The following DNAH10 variants were observed in gnomAD, a reference collection of about 807,000 sequenced individuals.
DNAH10 encodes dynein axonemal heavy chain 10.
DNAH10 carries 348 observed loss-of-function variants against 506.6 expected under a neutral mutation model. The observed-to-expected ratio is 0.69, with a 90% confidence interval of 0.63 to 0.75. The LOEUF is 0.75. Ranked by LOEUF, DNAH10 falls within the 30% of genes least tolerant of loss-of-function variation. DNAH10 has a pLI of 0.00. For synonymous variants in DNAH10, 2,059 were observed against 2,198.6 expected, an observed-to-expected ratio of 0.94 and a Z score of 1.78; for missense variants, 5,179 against 5,787.1, an observed-to-expected ratio of 0.89 and a Z score of 3.41.
intron 46 of DNAH10, among the ~76,000 whole-genome samples, chr12:123,874,191 A>G (rs1433149069): frequency 1.3e-5 from 2 of 152,110 alleles, no homozygotes; most frequent in Non-Finnish European, 2.9e-5. Flanking sequence ...ATTTAAATTT[A>G]TATTATTTCA....
chr12:123,804,304 T>C (rs1958578208), intron 17 of DNAH10, among the ~76,000 whole-genome samples: 1 of 152,120 alleles, frequency 6.6e-6, no homozygotes, highest in African/African-American at 2.4e-5. Context: ...GGCAGGCAGA[T>C]CACAAGGTCA....
chr12:123,808,455 T>G (rs1958799526), intron 18 of DNAH10, among the ~76,000 whole-genome samples: 1 of 152,140 alleles, frequency 6.6e-6, no homozygotes, highest in Non-Finnish European at 1.5e-5. Context: ...CACATCTACT[T>G]TCATCCTGGA....
chr12:123,873,853 C>T (rs1439097326), intron 46 of DNAH10, 143 bp downstream of exon 46: 2 of 1,084,550 alleles, frequency 1.8e-6, no homozygotes, highest in Non-Finnish European at 2.5e-6. Flanking sequence ...TGCGGGGAGC[C>T]AGCCTAAGGC....
At chr12:123,774,953 A>G (rs2135991424) in intron 5 of DNAH10, among the ~76,000 whole-genome samples, 1 of 152,282 alleles carries the variant, frequency 6.6e-6, no homozygotes, top group Non-Finnish European at 1.5e-5. Flanking sequence ...GAGCTTATGT[A>G]GGGGAAAGAC....
chr12:123,933,314 T>C lies in DNAH10; in HGVS notation c.13297-17T>C, dbSNP rs2137757889. ...GGCAGCCCCAGGCTCCCAGCACTTG[T>C]CCTCTCTTCTCTCCAGGTGACCGAG... On this transcript the variant is annotated splice_polypyrimidine_tract_variant and intron_variant, in intron 76 of 78. Transcript: ENST00000673944. The C allele has an allele frequency of 6.7e-7, 1 of 1,501,632 alleles. No individual in the cohort carries two copies. The highest frequency in any genetic ancestry group is 8.9e-7 in the Non-Finnish European group (1 of 1,119,050). 93.0% of individuals were successfully genotyped at this position (1,501,632 alleles called of 1,614,324 possible). A position where few individuals can be genotyped will look rare whatever the true frequency, so the allele number is the denominator to read the frequency against.
At chr12:123,812,012 A>G (rs1478927449) in intron 19 of DNAH10, among the ~76,000 whole-genome samples, 1 of 152,130 alleles carries the variant, frequency 6.6e-6, no homozygotes, top group Non-Finnish European at 1.5e-5. Context: ...TGTGGTTTTT[A>G]CCATTAAAAG....
At position 123,850,945 on chromosome 12, in the gene DNAH10, C is replaced by G. The variant is rs985125453; in HGVS notation, c.6160C>G (p.Pro2054Ala). 1.9e-6 allele frequency: 3 copies of G among 1,613,990 alleles called. No homozygotes were observed. The highest frequency in any genetic ancestry group is 2.5e-6 in the Non-Finnish European group (3 of 1,179,930). ...CATGGGCATCTTCATCACCATGAAC[C>G]CCGGCTACGCAGGCCGCACGGAGCT... is the stretch of plus-strand genomic sequence containing the variant. ...SRMGIFITMN[P>A]GYAGRTELPE... Residue 2054 changes from proline (P) to alanine (A), a missense_variant, in exon 35 of 79, where the codon CCC becomes GCC. Coordinates refer to ENST00000673944, the MANE Select transcript of DNAH10 (RefSeq NM_001372106.1). The surrounding 1 kb of genome is among the most constrained non-coding windows in gnomAD (Gnocchi z 5.5).
Position 123,914,351 on chromosome 12 carries a change from C to A in DNAH10, c.10375C>A (p.Leu3459Met). ...NIRWLNDLDE[L>M]MHRRVKLLGD... Reference sequence around the variant, plus strand: ...CAGGTGGCTGAACGACCTGGATGAGCTGATGCACCGGCGCGTGAAGCTGCT... The same window carrying A: ...CAGGTGGCTGAACGACCTGGATGAGATGATGCACCGGCGCGTGAAGCTGCT... Residue 3459 changes from leucine to methionine, a missense_variant, in exon 61 of 79, where the codon CTG becomes ATG. Around this residue, in one of 3 missense-constraint regions of DNAH10, gnomAD observed 4,844 missense variants for 5,430.5 expected, o/e 0.89. Coordinates refer to ENST00000673944, the MANE Select transcript of DNAH10 (RefSeq NM_001372106.1). The A allele has an allele frequency of 6.2e-7, 1 of 1,613,086 alleles. No homozygotes were observed. The highest frequency in any genetic ancestry group is 8.5e-7 in the Non-Finnish European group (1 of 1,179,812).
chr12:123,888,830 C>G (rs7315022), intron 52 of DNAH10, among the ~76,000 whole-genome samples: 1,805 of 152,248 alleles, frequency 0.012, 38 homozygotes, highest in African/African-American at 0.041. Flanking sequence ...ACCACTTTAC[C>G]GTGTTGTTAT....
chr12:123,914,727 C>G (rs560311645), intron 61 of DNAH10, 125 bp from the exon 62 acceptor site: 338 of 1,436,996 alleles, frequency 2.4e-4, no homozygotes, highest in Non-Finnish European at 3.0e-4. Flanking sequence ...TTCTCCCTGG[C>G]CTCTGAGGAG....
At chr12:123,826,167 T>C (rs1185517920) in intron 24 of DNAH10, among the ~76,000 whole-genome samples, 2 of 151,984 alleles carry the variant, frequency 1.3e-5, no homozygotes, top group Non-Finnish European at 2.9e-5. Context: ...CTCAGGAAAA[T>C]ATAACACAGA....
At chr12:123,809,357 C>A (rs1958837522) in intron 19 of DNAH10, among the ~76,000 whole-genome samples, 1 of 151,992 alleles carries the variant, frequency 6.6e-6, no homozygotes, top group Admixed American at 6.6e-5. Context: ...TAAACAAATA[C>A]AAATCAGGCC....
In DNAH10 at chr12:123,909,044, G is replaced by A. The variant is rs1038092000; in HGVS notation, c.9816-217G>A. Among the ~76,000 whole-genome samples the A allele has an allele frequency of 2.0e-5, 3 of 152,304 alleles. No individual in the cohort carries two copies. Among genetic ancestry groups the A allele is most frequent in the Admixed American group, 6.5e-5 (1 of 15,302 alleles). On this transcript the variant is annotated intron_variant, in intron 57 of 78. Coordinates refer to ENST00000673944, the MANE Select transcript of DNAH10 (RefSeq NM_001372106.1). The surrounding 1 kb of genome is among the most constrained non-coding windows in gnomAD (Gnocchi z 5.4). ...ATGCTGCCCCCGCACCATTCCAGGCGCCTGGTCTGGAACCTGAGAGGGGGA... is the reference window on the plus strand; with the variant it reads ...ATGCTGCCCCCGCACCATTCCAGGCACCTGGTCTGGAACCTGAGAGGGGGA...
At position 123,879,758 on chromosome 12, in the gene DNAH10, A is replaced by G; in HGVS notation, c.8591A>G (p.Tyr2864Cys). The change falls in exon 50 of 79, where the codon TAT becomes TGT. Residue 2864 changes from tyrosine to cysteine, a missense_variant. Physicochemically the swap from Tyr to Cys is radical, Grantham distance 194. Coordinates refer to ENST00000673944, the MANE Select transcript of DNAH10 (RefSeq NM_001372106.1). ...CTGCACGAAGGAGAACCACGCATTT[A>G]TGAAGACATCCAGGACTACGAGGCG... Reference protein sequence around the residue: ...MALHEGEPRIYEDIQDYEAAK... With the variant: ...MALHEGEPRICEDIQDYEAAK... 1 of 1,614,042 alleles carries G rather than the reference A, an allele frequency of 6.2e-7. No individual in the cohort carries two copies. Among genetic ancestry groups the G allele is most frequent in the Non-Finnish European group, 8.5e-7 (1 of 1,179,894 alleles).
chr12:123,796,610 C>T (rs776207310), intron 12 of DNAH10, 46 bp from the exon 13 acceptor site: 9 of 1,517,890 alleles, frequency 5.9e-6, no homozygotes, highest in African/African-American at 1.4e-5. Context: ...TCTTGGCTAA[C>T]CTGGCGATGT....
At chr12:123,843,842 C>T (rs7961767) in intron 30 of DNAH10, among the ~76,000 whole-genome samples, 13,635 of 152,188 alleles carry the variant, frequency 0.09, 1,732 homozygotes, top group African/African-American at 0.29. Flanking sequence ...CCTCCCAAAG[C>T]GCTGGGATTA....
intron 2 of DNAH10, 34 bp downstream of exon 2, chr12:123,767,723 A>G: frequency 6.3e-7 from 1 of 1,578,394 alleles, no homozygotes; most frequent in Non-Finnish European, 8.6e-7. Flanking sequence ...GGAGGGTGGA[A>G]CTGAGAAAGC....
rs1244127182 is a variant in DNAH10, at chr12:123,930,739, T to TA, written c.12784+167dup. On this transcript the variant is annotated intron_variant, in intron 73 of 78. Transcript: ENST00000673944. ...GCTTCCTGGCTGCAGAGCTGACTGA[T>TA]AGAGTTCAGATTTCCCATCCTGGAA... is the stretch of plus-strand genomic sequence containing the variant. Among the ~76,000 whole-genome samples the TA allele has an allele frequency of 5.9e-5, 9 of 152,226 alleles. 1 individual carries two copies. The South Asian group carries it at 6.2e-4, about 11-fold the overall frequency.
At chr12:123,766,283 A>G (rs1399770898) in intron 1 of DNAH10, among the ~76,000 whole-genome samples, 1 of 150,236 alleles carries the variant, frequency 6.7e-6, no homozygotes, top group East Asian at 1.9e-4. Flanking sequence ...AGATCAATTA[A>G]TCAGCCTACC....
Sources: gnomAD v4.1 joint callset for allele counts (sites outside exome capture counted in the v4.1 genomes callset) on GRCh38, gnomAD v4.1.1 for gene constraint, gnomAD v4.1.1 regional missense constraint, Gnocchi (gnomAD v3.1) non-coding constraint, MANE v1.5 for transcripts, NCBI Gene and HGNC (gene_info 2026-07-23, HGNC 2026-07-21) for gene names.